Variants in KPNA3 observed in about 807,000 individuals in gnomAD.
KPNA3 encodes importin subunit alpha-4.
Under a neutral mutation model 73.8 loss-of-function variants are expected in KPNA3, and 13 were observed. The ratio of observed to expected loss-of-function variants is 0.18; its 90% CI spans 0.11 to 0.28. KPNA3 has a LOEUF of 0.28. Ranked by LOEUF, KPNA3 falls within the 10% of genes least tolerant of loss-of-function variation. KPNA3 has a pLI of 1.00. For missense variants in KPNA3, 360 were observed against 618.1 expected (o/e 0.58, Z 4.43); for synonymous variants, 186 against 206.9 (o/e 0.90, Z 0.87).
chr13:49,706,962 G>A (rs1050337255), intron 12 of KPNA3, among the ~76,000 whole-genome samples: 1 of 152,006 alleles, frequency 6.6e-6, no homozygotes, highest in African/African-American at 2.4e-5. Context: ...TGTTAGCCAG[G>A]ATGGTCTCGA....
chr13:49,763,556 G>C (rs1326406313), intron 1 of KPNA3, among the ~76,000 whole-genome samples: 2 of 152,200 alleles, frequency 1.3e-5, no homozygotes, highest in African/African-American at 4.8e-5. Flanking sequence ...CAAACTCCAA[G>C]TGGGAAAATA....
chr13:49,749,731 T>C (rs933207097), intron 1 of KPNA3, among the ~76,000 whole-genome samples: 1 of 152,218 alleles, frequency 6.6e-6, no homozygotes, highest in Non-Finnish European at 1.5e-5. Context: ...AACTCACTAG[T>C]AGCAAAACTT....
At chr13:49,761,732 G>A (rs1954763373) in intron 1 of KPNA3, among the ~76,000 whole-genome samples, 1 of 151,964 alleles carries the variant, frequency 6.6e-6, no homozygotes, top group Non-Finnish European at 1.5e-5. Flanking sequence ...CCTCTGCCCG[G>A]CTGCCCAGTC....
rs77631141 is a variant in KPNA3, at chr13:49,737,834, C to T, written c.115-4788G>A. 3.9e-5 allele frequency among the ~76,000 whole-genome samples: 6 copies of T among 152,198 alleles called. No individual in the cohort carries two copies. In the East Asian group the frequency reaches 9.7e-4, roughly 24 times the overall value. On this transcript the variant is annotated intron_variant, in intron 2 of 16. Coordinates refer to ENST00000261667, the MANE Select transcript of KPNA3 (RefSeq NM_002267.4). ...CTGGATACTAGTCTTTTACTGAATACGTGGTTTAACAGATATTTTCTTCCA... is the reference window on the plus strand; with the variant it reads ...CTGGATACTAGTCTTTTACTGAATATGTGGTTTAACAGATATTTTCTTCCA...
chr13:49,770,843 A>G (rs11148162), intron 1 of KPNA3, among the ~76,000 whole-genome samples: 35,581 of 149,652 alleles, frequency 0.24, 5,221 homozygotes, highest in Non-Finnish European at 0.32. Flanking sequence ...CCAAAAAAAA[A>G]AAAAAAAAAG....
intron 6 of KPNA3, among the ~76,000 whole-genome samples, chr13:49,729,713 G>A (rs558848434): frequency 6.6e-6 from 1 of 152,202 alleles, no homozygotes; most frequent in Non-Finnish European, 1.5e-5. Context: ...CCAGGAAGCG[G>A]AGCTTGCAGT....
intron 7 of KPNA3, among the ~76,000 whole-genome samples, chr13:49,723,647 A>G (rs1954381108): frequency 6.6e-6 from 1 of 151,774 alleles, no homozygotes; most frequent in African/African-American, 2.4e-5. Context: ...CGAGGCGGGC[A>G]GATCACGAGG....
At position 49,719,825 on chromosome 13, in the gene KPNA3, GA is replaced by G; in HGVS notation, c.727-7del. On this transcript the variant is annotated splice_polypyrimidine_tract_variant and splice_region_variant and intron_variant, in intron 9 of 16. Transcript: ENST00000261667. ...ACACATAAAGCTGGCAAAATCTGAG[GA>G]AAGAAAATAAACAATACTTAACATT... is the stretch of plus-strand genomic sequence containing the variant. 1 of 1,558,682 alleles carries G rather than the reference GA, an allele frequency of 6.4e-7. No individual in the cohort carries two copies. Among genetic ancestry groups the G allele is most frequent in the Admixed American group, 1.7e-5 (1 of 59,234 alleles).
chr13:49,744,160 T>C (rs1468036479), intron 2 of KPNA3, among the ~76,000 whole-genome samples: 1 of 152,296 alleles, frequency 6.6e-6, no homozygotes, highest in African/African-American at 2.4e-5. Flanking sequence ...CAAATATTCA[T>C]CAAGCTGGAT....
At chr13:49,741,653 C>T (rs1227311114) in intron 2 of KPNA3, among the ~76,000 whole-genome samples, 1 of 152,104 alleles carries the variant, frequency 6.6e-6, no homozygotes, top group East Asian at 1.9e-4. Flanking sequence ...TGGGGTTTCA[C>T]CCGTGTTACC....
At chr13:49,737,116 T>C (rs1375590989) in intron 2 of KPNA3, among the ~76,000 whole-genome samples, 1 of 152,168 alleles carries the variant, frequency 6.6e-6, no homozygotes, top group Non-Finnish European at 1.5e-5. Flanking sequence ...AGGCCATCTG[T>C]GTTGTTTCTA....
rs373765062 is a variant in KPNA3, at chr13:49,721,949, A to G, written c.726+6T>C. The G allele has an allele frequency of 2.0e-5, 30 of 1,524,468 alleles. No homozygotes were observed. In the African/African-American group the frequency reaches 4.0e-4, roughly 20 times the overall value. 94.4% of individuals were successfully genotyped at this position (1,524,468 alleles called of 1,614,324 possible). ...TACCATCTGGCCTTTACAATTCTTC[A>G]TTTACCTCCTGAACTGTCTCCATAG... On this transcript the variant is annotated splice_donor_region_variant and intron_variant, in intron 9 of 16. Transcript: ENST00000261667.
chr13:49,728,190 G>A (rs930073515), intron 6 of KPNA3, among the ~76,000 whole-genome samples: 33 of 150,198 alleles, frequency 2.2e-4, no homozygotes, highest in Admixed American at 2.1e-3. Flanking sequence ...AGCTGATATC[G>A]TGCCACTGCA....
chr13:49,747,005 A>G lies in KPNA3; in HGVS notation c.70-12T>C, dbSNP rs376707313. ...TGTCTTCGCATTGTCTAGAAAAGAA[A>G]AACAAAGATTACAGATGTATCAAAA... On this transcript the variant is annotated splice_polypyrimidine_tract_variant and intron_variant, in intron 1 of 16. Coordinates refer to ENST00000261667, the MANE Select transcript of KPNA3 (RefSeq NM_002267.4). 2.5e-6 allele frequency: 4 copies of G among 1,597,184 alleles called. No individual in the cohort carries two copies. The highest frequency in any genetic ancestry group is 8.6e-7 in the Non-Finnish European group (1 of 1,166,126).
intron 14 of KPNA3, 112 bp from the exon 15 acceptor site, chr13:49,705,895 G>A (rs908546735): frequency 5.6e-6 from 6 of 1,074,620 alleles, no homozygotes; most frequent in Non-Finnish European, 6.5e-6. Context: ...CCCAGGAGTT[G>A]GAGGCTGTAG....
At chr13:49,744,752 C>A (rs1050818759) in intron 2 of KPNA3, among the ~76,000 whole-genome samples, 11 of 151,988 alleles carry the variant, frequency 7.2e-5, no homozygotes, top group African/African-American at 1.9e-4. Flanking sequence ...CAACTCTTAG[C>A]AAGTATTTTC....
intron 1 of KPNA3, among the ~76,000 whole-genome samples, chr13:49,789,135 T>G (rs528395786): frequency 2.2e-4 from 34 of 152,342 alleles, no homozygotes; most frequent in African/African-American, 8.2e-4. Flanking sequence ...ATCTCCTCTT[T>G]GCTCTGGAAT....
At chr13:49,775,162 C>CAAAAAAAAAAAAAAAAAAAAAAAAAAAA (rs60494803) in intron 1 of KPNA3, among the ~76,000 whole-genome samples, 1 of 93,062 alleles carries the variant, frequency 1.1e-5, no homozygotes, top group African/African-American at 4.9e-5. Context: ...GACTCTGTCT[C>CAAAAAAAAAAAAAAAAAAAAAAAAAAAA]AAAAAAAAAA....
chr13:49,704,434 AAAATAAAT>A (rs58331212), intron 15 of KPNA3, among the ~76,000 whole-genome samples: 48,889 of 130,492 alleles, frequency 0.37, 9,112 homozygotes, highest in African/African-American at 0.44. Context: ...AAATAAATAA[AAAATAAAT>A]AAATAAATAA....
Sources: gnomAD v4.1 joint callset for allele counts (sites outside exome capture counted in the v4.1 genomes callset) on GRCh38, gnomAD v4.1.1 for gene constraint, MANE v1.5 for transcripts, NCBI Gene and HGNC (gene_info 2026-07-23, HGNC 2026-07-21) for gene names.